GUCY1A1: variants seen among roughly 807,000 people sequenced by gnomAD.
GUCY1A1 encodes guanylate cyclase soluble subunit alpha-1.
In GUCY1A1, 48 loss-of-function variants were observed where a neutral mutation model predicts 64.5. The observed-to-expected ratio is 0.74, with a 90% CI of 0.59 to 0.95. The LOEUF is 0.95. GUCY1A1 is among the 40% of genes least tolerant of loss of function. The pLI is 0.00. For missense variants in GUCY1A1, 804 were observed against 825.3 expected, an observed-to-expected ratio of 0.97 and a Z score of 0.32; for synonymous variants, 308 against 303.4, an observed-to-expected ratio of 1.02 and a Z score of -0.16.
intron 2 of GUCY1A1, among the ~76,000 whole-genome samples, chr4:155,682,270 G>A (rs1311647028): frequency 6.6e-6 from 1 of 151,908 alleles, no homozygotes. Context: ...TGATTCTTTT[G>A]CCACCACCGC....
chr4:155,697,881 C>T (rs1730615528), intron 3 of GUCY1A1, among the ~76,000 whole-genome samples: 2 of 152,180 alleles, frequency 1.3e-5, no homozygotes, highest in South Asian at 4.1e-4. Flanking sequence ...AGTTGAAGGT[C>T]TTCATGATGT....
At position 155,713,234 on chromosome 4, in the gene GUCY1A1, C is replaced by T. The variant is rs778082116; in HGVS notation, c.1223C>T (p.Ala408Val). 6 of 1,614,066 alleles carry T rather than the reference C, an allele frequency of 3.7e-6. No homozygotes were observed. Among genetic ancestry groups the T allele is most frequent in the Non-Finnish European group, 5.1e-6 (6 of 1,179,952 alleles). The change falls in exon 7 of 10, where the codon GCA (alanine) becomes GTA (valine). Residue 408 changes from alanine to valine, a missense_variant. Physicochemically the swap from Ala to Val is moderately conservative, Grantham distance 64. Transcript: ENST00000506455. ...LYLSDIPIHN[A>V]LRDVVLIGEQ... ...CTCTCAGACATCCCAATTCACAATG[C>T]ACTGAGGGATGTGGTCTTAATAGGG...
Position 155,733,825 on chromosome 4 carries a change from A to G in GUCY1A1, c.*3594A>G, listed in dbSNP as rs1025855518. Among the ~76,000 whole-genome samples the G allele has an allele frequency of 2.0e-5, 3 of 151,764 alleles. No homozygotes were observed. The highest frequency in any genetic ancestry group is 4.4e-5 in the Non-Finnish European group (3 of 67,874). On this transcript the variant is annotated 3_prime_UTR_variant, in exon 10 of 10. Coordinates refer to ENST00000506455, the MANE Select transcript of GUCY1A1 (RefSeq NM_001130682.3). ...TTTTCCAAAGACTATTAGAAACAGC[A>G]TGGTTAAGGATAGGGTGGATATTTA... is the stretch of plus-strand genomic sequence containing the variant.
chr4:155,670,474 T>C (rs567499966), intron 2 of GUCY1A1, among the ~76,000 whole-genome samples: 89 of 152,206 alleles, frequency 5.8e-4, no homozygotes, highest in Non-Finnish European at 9.1e-4. Context: ...CATTTTGAAA[T>C]GTCTTACCTA....
At chr4:155,696,697 T>C (rs554026990) in intron 2 of GUCY1A1, 59 bp from the exon 3 acceptor site, 1 of 540,808 alleles carries the variant, frequency 1.8e-6, no homozygotes, top group Admixed American at 3.4e-5. Context: ...TGTCTTTTTC[T>C]GTTTTCATCC....
intron 2 of GUCY1A1, among the ~76,000 whole-genome samples, chr4:155,680,891 T>C (rs1239655210): frequency 6.6e-6 from 1 of 150,790 alleles, no homozygotes; most frequent in Admixed American, 6.6e-5. Context: ...CCCATGGAGT[T>C]TGAATCTGTG....
At chr4:155,684,204 A>G (rs750798453) in intron 2 of GUCY1A1, among the ~76,000 whole-genome samples, 5 of 152,224 alleles carry the variant, frequency 3.3e-5, no homozygotes, top group African/African-American at 4.8e-5. Context: ...AGGCATTAAA[A>G]GAATATAGTT....
chr4:155,692,433 C>T (rs1164002581), intron 2 of GUCY1A1, among the ~76,000 whole-genome samples: 1 of 152,124 alleles, frequency 6.6e-6, no homozygotes, highest in Non-Finnish European at 1.5e-5. Flanking sequence ...AAAAAGCATT[C>T]CTTTTTCTCC....
At chr4:155,673,351 T>C (rs970139956) in intron 2 of GUCY1A1, among the ~76,000 whole-genome samples, 2 of 151,502 alleles carry the variant, frequency 1.3e-5, no homozygotes, top group Admixed American at 6.6e-5. Flanking sequence ...AACCAAGAAA[T>C]AGTCTCAGAA....
chr4:155,677,963 T>C (rs1375378352), intron 2 of GUCY1A1, among the ~76,000 whole-genome samples: 2 of 152,002 alleles, frequency 1.3e-5, no homozygotes, highest in Non-Finnish European at 2.9e-5. Flanking sequence ...GTGGAATTAC[T>C]TCTTATGTTT....
chr4:155,673,847 T>C (rs1298446427), intron 2 of GUCY1A1, among the ~76,000 whole-genome samples: 1 of 151,560 alleles, frequency 6.6e-6, no homozygotes, highest in Non-Finnish European at 1.5e-5. Flanking sequence ...TTAAAACCTT[T>C]CCCTGAACTT....
rs1735628463 is a variant in GUCY1A1 at position 155,732,186 on chromosome 4, A to C, written c.*1955A>C. The stretch of plus-strand genomic sequence containing the variant: ...AAAGTTTATAATTCAATCAGAATTC[A>C]AAAAGTATTTTGTGTGTTTGTGATG... On this transcript the variant is annotated 3_prime_UTR_variant, in exon 10 of 10. Transcript: ENST00000506455. 1 of 151,918 alleles carries C rather than the reference A, an allele frequency of 6.6e-6. No individual in the cohort carries two copies. Among genetic ancestry groups the C allele is most frequent in the South Asian group, 2.1e-4 (1 of 4,832 alleles). The allele number at this position is 151,918 out of a possible 1,614,324, so 9.4% of individuals were successfully genotyped here.
At chr4:155,726,724 T>C (rs1734732377) in intron 9 of GUCY1A1, among the ~76,000 whole-genome samples, 1 of 152,050 alleles carries the variant, frequency 6.6e-6, no homozygotes, top group Admixed American at 6.6e-5. Context: ...TATACACTCC[T>C]GTTTTTTAAA....
At position 155,703,933 on chromosome 4, in the gene GUCY1A1, T is replaced by G; in HGVS notation, c.257T>G (p.Phe86Cys). 6.3e-7 allele frequency: 1 copy of G among 1,597,504 alleles called. No individual in the cohort carries two copies. Among genetic ancestry groups the G allele is most frequent in the Non-Finnish European group, 8.6e-7 (1 of 1,169,320 alleles). Residue 86 changes from phenylalanine to cysteine, a missense_variant and splice_region_variant, in exon 4 of 10, where the codon TTT (phenylalanine) becomes TGT (cysteine). Coordinates refer to ENST00000506455, the MANE Select transcript of GUCY1A1 (RefSeq NM_001130682.3). ...AAAACATTTCTTTTGAACTTTCAGT[T>G]TGAACGGCTGAATGTTGCACTTCAG... ...ESICKLIFPE[F>C]ERLNVALQRT...
chr4:155,734,471 TGAG>T lies in GUCY1A1; in HGVS notation c.*4244_*4246del, dbSNP rs1245783933. ...AATTGAATCTTTGATACATATTTGTTGAGGAGCTTGTCAGATCACTACCTTTCA... is the reference window on the plus strand; with the variant it reads ...AATTGAATCTTTGATACATATTTGTTGAGCTTGTCAGATCACTACCTTTCA... On this transcript the variant is annotated 3_prime_UTR_variant, in exon 10 of 10. Transcript: ENST00000506455. 3 of 151,964 alleles carry T rather than the reference TGAG, an allele frequency of 2.0e-5. No homozygotes were observed. Among genetic ancestry groups the T allele is most frequent in the South Asian group, 2.1e-4 (1 of 4,826 alleles). The allele number at this position is 151,964 out of a possible 1,614,324, so 9.4% of individuals were successfully genotyped here.
chr4:155,675,069 T>C (rs192260800), intron 2 of GUCY1A1, among the ~76,000 whole-genome samples: 5 of 151,642 alleles, frequency 3.3e-5, no homozygotes, highest in African/African-American at 9.8e-5. Flanking sequence ...GGGAACATGA[T>C]TGTGTATGTG....
At chr4:155,715,648 T>C (rs1579099947) in intron 7 of GUCY1A1, among the ~76,000 whole-genome samples, 1 of 152,060 alleles carries the variant, frequency 6.6e-6, no homozygotes, top group African/African-American at 2.4e-5. Context: ...TAGGGGTGGG[T>C]GTAGGACTTC....
intron 9 of GUCY1A1, among the ~76,000 whole-genome samples, chr4:155,728,697 C>T (rs1395594722): frequency 6.6e-6 from 1 of 151,786 alleles, no homozygotes; most frequent in Admixed American, 6.6e-5. Flanking sequence ...GTCAGACTTA[C>T]TGTTACCAAT....
Position 155,710,799 on chromosome 4 carries a change from T to G in GUCY1A1, c.634T>G (p.Ser212Ala). Residue 212 changes from serine to alanine, a missense_variant, in exon 6 of 10, where the codon TCC (serine) becomes GCC (alanine). Coordinates refer to ENST00000506455, the MANE Select transcript of GUCY1A1 (RefSeq NM_001130682.3). ...VYYFFPKRTT[S>A]LILPGIIKAA... ...CTACTTCTTCCCTAAGAGAACCACC[T>G]CCCTGATTCTTCCCGGCATCATAAA... is the stretch of plus-strand genomic sequence containing the variant. 6.2e-7 allele frequency: 1 copy of G among 1,613,996 alleles called. No individual in the cohort carries two copies. The highest frequency in any genetic ancestry group is 8.5e-7 in the Non-Finnish European group (1 of 1,179,894).
Sources: gnomAD v4.1 joint callset for allele counts (sites outside exome capture counted in the v4.1 genomes callset) on GRCh38, gnomAD v4.1.1 for gene constraint, MANE v1.5 for transcripts, NCBI Gene and HGNC (gene_info 2026-07-23, HGNC 2026-07-21) for gene names.